SLC35F3: variants seen among roughly 807,000 people sequenced by gnomAD.
SLC35F3 encodes the protein putative thiamine transporter SLC35F3.
A neutral mutation model predicts 49.9 loss-of-function variants in SLC35F3; 25 were observed. The ratio of observed to expected loss-of-function variants is 0.50; its 90% CI spans 0.37 to 0.70. The LOEUF is 0.70. SLC35F3 is among the 30% of genes least tolerant of loss of function. SLC35F3 has a pLI of 0.00. For missense variants in SLC35F3, 525 were observed against 639.8 expected (o/e 0.82, Z 1.94); for synonymous variants, 275 against 265.4 (o/e 1.04, Z -0.35).
chr1:233,959,246 T>G (rs201934423), intron 2 of SLC35F3, among the ~76,000 whole-genome samples: 10 of 21,192 alleles, frequency 4.7e-4, no homozygotes, highest in Admixed American at 2.8e-3. Context: ...GATTTAGGTG[T>G]TTTTTTTTTT....
At chr1:234,247,652 C>T (rs71638491) in intron 3 of SLC35F3, among the ~76,000 whole-genome samples, 12 of 89,278 alleles carry the variant, frequency 1.3e-4, no homozygotes, top group African/African-American at 2.3e-4. Context: ...GTTTGGGGGG[C>T]TGGTTGGCTG....
chr1:234,210,765 T>C (rs182931928), intron 2 of SLC35F3, among the ~76,000 whole-genome samples: 1 of 152,340 alleles, frequency 6.6e-6, no homozygotes, highest in East Asian at 1.9e-4. Context: ...ATAGAAAATT[T>C]GTAGCCTCAA....
intron 2 of SLC35F3, among the ~76,000 whole-genome samples, chr1:234,080,282 AGCTCCATGCCCTT>A (rs1664855885): frequency 2.0e-5 from 3 of 152,188 alleles, no homozygotes; most frequent in Admixed American, 2.0e-4. Flanking sequence ...AGGGCATGGA[AGCTCCATGCCCTT>A]TTATTATTAT....
At position 234,111,544 on chromosome 1, in the gene SLC35F3, C is replaced by T. The variant is rs181895184; in HGVS notation, c.284-119873C>T. 5.1e-3 allele frequency among the ~76,000 whole-genome samples: 776 copies of T among 152,342 alleles called. 8 individuals carry two copies. The highest frequency in any genetic ancestry group is 0.016 in the African/African-American group (676 of 41,574). On this transcript the variant is annotated intron_variant, in intron 2 of 7. Transcript: ENST00000366618. ...CTGACCTCAGGTCATCCGCCCGCCT[C>T]GGCTTCCCAAAGTGCTCGGATTACA...
chr1:234,153,120 A>C (rs1319049376), intron 2 of SLC35F3, among the ~76,000 whole-genome samples: 1 of 152,186 alleles, frequency 6.6e-6, no homozygotes, highest in Non-Finnish European at 1.5e-5. Context: ...AAGGACATCC[A>C]CTCTTATCAA....
At chr1:234,077,437 A>C (rs1373984930) in intron 2 of SLC35F3, among the ~76,000 whole-genome samples, 1 of 152,230 alleles carries the variant, frequency 6.6e-6, no homozygotes, top group African/African-American at 2.4e-5. Context: ...TGCTGAATGA[A>C]GTGGGCAGAG....
chr1:234,072,501 TA>T (rs1664730387), intron 2 of SLC35F3, among the ~76,000 whole-genome samples: 2 of 152,126 alleles, frequency 1.3e-5, no homozygotes, highest in Non-Finnish European at 2.9e-5. Context: ...TGTAACATGT[TA>T]GGTAGCGTTT....
chr1:234,171,639 G>A (rs1312339844), intron 2 of SLC35F3, among the ~76,000 whole-genome samples: 1 of 152,148 alleles, frequency 6.6e-6, no homozygotes, highest in African/African-American at 2.4e-5. Context: ...GGACACTGTG[G>A]TTCTCAACAG....
At chr1:234,038,811 G>A (rs907555445) in intron 2 of SLC35F3, among the ~76,000 whole-genome samples, 5 of 152,180 alleles carry the variant, frequency 3.3e-5, no homozygotes, top group Non-Finnish European at 5.9e-5. Context: ...ATGGTGAGGA[G>A]TGGTTAGATT....
chr1:234,153,773 C>T (rs1666107463), intron 2 of SLC35F3, among the ~76,000 whole-genome samples: 1 of 152,090 alleles, frequency 6.6e-6, no homozygotes, highest in Non-Finnish European at 1.5e-5. Context: ...ACTAAAAATA[C>T]AAAAACTAGC....
chr1:234,131,191 G>A (rs1031583116), intron 2 of SLC35F3, among the ~76,000 whole-genome samples: 7 of 152,076 alleles, frequency 4.6e-5, no homozygotes, highest in South Asian at 2.1e-4. Context: ...TATTTTTGCC[G>A]TGTATGCTTA....
At chr1:233,979,071 C>CA (rs1001974425) in intron 2 of SLC35F3, among the ~76,000 whole-genome samples, 12 of 149,378 alleles carry the variant, frequency 8.0e-5, no homozygotes, top group Admixed American at 4.0e-4. Context: ...CAAAACAAAA[C>CA]AAAAAAACAA....
intron 2 of SLC35F3, among the ~76,000 whole-genome samples, chr1:234,005,305 C>T (rs773876649): frequency 3.9e-5 from 6 of 152,140 alleles, no homozygotes; most frequent in East Asian, 1.9e-4. Context: ...CTAAATCTTA[C>T]GGTGAAACCA....
intron 2 of SLC35F3, among the ~76,000 whole-genome samples, chr1:233,961,592 G>A (rs576085567): frequency 3.9e-5 from 6 of 152,052 alleles, no homozygotes; most frequent in Admixed American, 3.9e-4. Context: ...AGGTAGCTGG[G>A]ATAACAGGCG....
chr1:233,925,116 T>G (rs960878006), intron 2 of SLC35F3, among the ~76,000 whole-genome samples: 1 of 152,200 alleles, frequency 6.6e-6, no homozygotes, highest in Non-Finnish European at 1.5e-5. Context: ...TCTGTTGATT[T>G]GGGGTGGAGG....
intron 2 of SLC35F3, among the ~76,000 whole-genome samples, chr1:234,220,328 A>T (rs1466855466): frequency 6.6e-6 from 1 of 152,108 alleles, no homozygotes; most frequent in Non-Finnish European, 1.5e-5. Context: ...GTACATGCTC[A>T]TACGTGTGTG....
chr1:234,091,849 C>T (rs1319966119), intron 2 of SLC35F3, among the ~76,000 whole-genome samples: 2 of 152,190 alleles, frequency 1.3e-5, no homozygotes, highest in Non-Finnish European at 2.9e-5. Flanking sequence ...TTAGTTAAGT[C>T]TGCCTCACTT....
intron 2 of SLC35F3, among the ~76,000 whole-genome samples, chr1:234,117,827 A>G (rs12743811): frequency 0.12 from 18,271 of 146,862 alleles, 2,765 homozygotes; most frequent in East Asian, 0.81. Flanking sequence ...CGGAGCTTGC[A>G]GTGAGCCGAG....
At chr1:233,996,348 C>T (rs4920165) in intron 2 of SLC35F3, among the ~76,000 whole-genome samples, 41,896 of 151,962 alleles carry the variant, frequency 0.28, 6,021 homozygotes, top group East Asian at 0.49. Flanking sequence ...TACTTATCTA[C>T]GGGAATGGAG....
Sources: gnomAD v4.1 joint callset for allele counts (sites outside exome capture counted in the v4.1 genomes callset) on GRCh38, gnomAD v4.1.1 for gene constraint, MANE v1.5 for transcripts, NCBI Gene and HGNC (gene_info 2026-07-23, HGNC 2026-07-21) for gene names.